The following KMT2C variants were observed in gnomAD, a reference collection of about 807,000 sequenced individuals.
KMT2C encodes histone-lysine N-methyltransferase 2C.
Under a neutral mutation model 507.9 loss-of-function variants are expected in KMT2C, and 88 were observed. That is an observed-to-expected ratio of 0.17 (90% CI 0.15 to 0.21). The LOEUF is 0.21. Ranked by LOEUF, KMT2C falls within the 10% of genes least tolerant of loss-of-function variation. The pLI, the probability that KMT2C is intolerant of heterozygous loss-of-function variation, is 1.00. For synonymous variants in KMT2C, 2,049 were observed against 2,080.8 expected (o/e 0.98, Z 0.42); for missense variants, 4,954 against 5,957.8 (o/e 0.83, Z 5.55).
At chr7:152,249,369 G>C (rs73728795) in intron 13 of KMT2C, among the ~76,000 whole-genome samples, 6,092 of 138,074 alleles carry the variant, frequency 0.044, 450 homozygotes, top group African/African-American at 0.16. Context: ...TGTGACCCAA[G>C]CTGGAGTAGA....
At chr7:152,339,530 A>C (rs1396179916) in intron 2 of KMT2C, among the ~76,000 whole-genome samples, 1 of 152,200 alleles carries the variant, frequency 6.6e-6, no homozygotes, top group Non-Finnish European at 1.5e-5. Context: ...GCTTATTTTT[A>C]TTTCAATGCA....
intron 1 of KMT2C, among the ~76,000 whole-genome samples, chr7:152,384,324 C>T (rs1263757852): frequency 1.3e-5 from 2 of 152,188 alleles, no homozygotes; most frequent in Non-Finnish European, 2.9e-5. Context: ...TTGACTCTCT[C>T]GCACCAAGCT....
At chr7:152,310,998 A>T (rs143260595) in intron 5 of KMT2C, among the ~76,000 whole-genome samples, 7 of 152,276 alleles carry the variant, frequency 4.6e-5, no homozygotes, top group African/African-American at 1.7e-4. Context: ...GCAATCTGTG[A>T]TTTAACAAGC....
In KMT2C at chr7:152,156,002, G is replaced by A. The variant is rs1305528021; in HGVS notation, c.11868C>T (p.Asp3956=). Residue 3956 remains aspartate, a synonymous_variant, in exon 46 of 59, where the codon GAC becomes GAT. Transcript: ENST00000262189. ...CCTGAGCAAGAGCTCGGGCCAACAA[G>A]TCGTCCTGGGGTCTGAAGGGCAGCT... ...PFQLPFRPQD[D]LLARALAQGP... The A allele has an allele frequency of 6.2e-7, 1 of 1,609,696 alleles. No homozygotes were observed. Among genetic ancestry groups the A allele is most frequent in the East Asian group, 2.2e-5 (1 of 44,872 alleles).
intron 26 of KMT2C, 47 bp from the exon 27 acceptor site, chr7:152,199,506 A>T (rs1387544417): frequency 5.0e-6 from 6 of 1,208,982 alleles, no homozygotes; most frequent in East Asian, 2.6e-5. Flanking sequence ...AATTCTAAAA[A>T]GACAATAGAT....
rs555910732 is a variant in KMT2C, at chr7:152,325,352, T to G, written c.389+5249A>C. ...TTAGTAGAGATGGGGTTTCACCATG[T>G]TGGCCAGGCTGGTCCCAAACTCCTG... On this transcript the variant is annotated intron_variant, in intron 3 of 58. Transcript: ENST00000262189. 8.0e-3 allele frequency among the ~76,000 whole-genome samples: 1,221 copies of G among 151,942 alleles called. 14 individuals carry two copies. The highest frequency in any genetic ancestry group is 9.5e-3 in the Non-Finnish European group (645 of 67,870).
intron 20 of KMT2C, among the ~76,000 whole-genome samples, chr7:152,223,604 G>A (rs2094840934): frequency 6.6e-6 from 1 of 152,068 alleles, no homozygotes; most frequent in South Asian, 2.1e-4. Context: ...GACCATCCTG[G>A]CCAACATGGT....
intron 7 of KMT2C, among the ~76,000 whole-genome samples, chr7:152,270,091 C>T (rs1588750493): frequency 6.6e-6 from 1 of 152,270 alleles, no homozygotes; most frequent in Non-Finnish European, 1.5e-5. Context: ...TAATTTCCAT[C>T]ACACCCTATC....
At chr7:152,170,392 G>A (rs1471623247) in intron 40 of KMT2C, among the ~76,000 whole-genome samples, 2 of 152,056 alleles carry the variant, frequency 1.3e-5, no homozygotes, top group African/African-American at 2.4e-5. Context: ...AATACTGCAT[G>A]AGTTTTACTT....
intron 16 of KMT2C, among the ~76,000 whole-genome samples, chr7:152,234,707 C>G (rs2095227837): frequency 6.6e-6 from 1 of 151,968 alleles, no homozygotes; most frequent in African/African-American, 2.4e-5. Context: ...TTGAGACCAG[C>G]CTGGACAACA....
chr7:152,145,377 A>G, intron 53 of KMT2C, 82 bp from the exon 54 acceptor site: 1 of 1,392,032 alleles, frequency 7.2e-7, no homozygotes, highest in African/African-American at 1.5e-5. Context: ...AGGATGGCCC[A>G]CGACAGAAAT....
intron 58 of KMT2C, chr7:152,137,215 T>C (rs2089957569): frequency 3.5e-6 from 1 of 284,688 alleles, no homozygotes; most frequent in Non-Finnish European, 6.7e-6. Flanking sequence ...TGCAAGTGGA[T>C]GGAGGGGACT....
At chr7:152,412,600 G>A (rs1278880462) in intron 1 of KMT2C, among the ~76,000 whole-genome samples, 1 of 151,920 alleles carries the variant, frequency 6.6e-6, no homozygotes, top group African/African-American at 2.4e-5. Context: ...TCATGAAGCT[G>A]GCCAAATGTA....
intron 1 of KMT2C, among the ~76,000 whole-genome samples, chr7:152,384,332 G>A (rs2097401243): frequency 6.6e-6 from 1 of 152,132 alleles, no homozygotes; most frequent in Non-Finnish European, 1.5e-5. Flanking sequence ...CTCGCACCAA[G>A]CTCACTGAGC....
At chr7:152,384,588 C>CACTAAA (rs2097405909) in intron 1 of KMT2C, among the ~76,000 whole-genome samples, 4 of 150,086 alleles carry the variant, frequency 2.7e-5, no homozygotes, top group African/African-American at 9.8e-5. Context: ...CCACCACCAC[C>CACTAAA]ACCACCACCA....
intron 6 of KMT2C, among the ~76,000 whole-genome samples, chr7:152,307,457 C>T (rs964797933): frequency 2.6e-5 from 4 of 151,994 alleles, no homozygotes; most frequent in African/African-American, 7.3e-5. Flanking sequence ...ACTGACACTC[C>T]TGTGAGTTTT....
intron 2 of KMT2C, among the ~76,000 whole-genome samples, chr7:152,353,540 C>A (rs1401774237): frequency 2.6e-5 from 4 of 152,164 alleles, no homozygotes; most frequent in African/African-American, 7.2e-5. Context: ...GTTACCCAGA[C>A]TGGTGAACAG....
chr7:152,194,633 C>T, intron 28 of KMT2C, 65 bp from the exon 29 acceptor site: 3 of 1,240,332 alleles, frequency 2.4e-6, no homozygotes. Context: ...ATGTATAGCA[C>T]TATTTACCTG....
rs148687086 is a variant in KMT2C at position 152,393,302 on chromosome 7, G to A, written c.162-34627C>T. 8.6e-3 allele frequency among the ~76,000 whole-genome samples: 1,311 copies of A among 152,274 alleles called. 21 individuals carry two copies. Among genetic ancestry groups the A allele is most frequent in the African/African-American group, 0.03 (1,264 of 41,574 alleles). On this transcript the variant is annotated intron_variant, in intron 1 of 58. Transcript: ENST00000262189. ...GGAGATTCACTTTATTTCAAAATTAGAAAACTGATCTCAGAGTTTAAAACC... is the reference window on the plus strand; with the variant it reads ...GGAGATTCACTTTATTTCAAAATTAAAAAACTGATCTCAGAGTTTAAAACC...
Sources: allele counts gnomAD v4.1 joint callset (sites outside exome capture counted in the v4.1 genomes callset), GRCh38; gene constraint gnomAD v4.1.1; transcripts MANE v1.5; gene names NCBI Gene and HGNC (gene_info 2026-07-23, HGNC 2026-07-21).